Variants in ARHGEF7 observed in about 807,000 individuals in gnomAD.
The protein encoded by ARHGEF7 is Rho guanine nucleotide exchange factor 7.
Under a neutral mutation model 109.8 loss-of-function variants are expected in ARHGEF7, and 33 were observed. That is an observed-to-expected ratio of 0.30 (90% CI 0.23 to 0.40). ARHGEF7 has a LOEUF of 0.40. Among genes scored for constraint, ARHGEF7 ranks in the 10% least tolerant of loss-of-function variants. ARHGEF7 has a pLI of 1.00. For missense variants in ARHGEF7, 938 were observed against 1,098.5 expected (o/e 0.85, Z 2.07); for synonymous variants, 458 against 424.6 (o/e 1.08, Z -0.97).
chr13:111,256,228 C>T (rs1476989026), intron 8 of ARHGEF7, among the ~76,000 whole-genome samples: 1 of 152,050 alleles, frequency 6.6e-6, no homozygotes, highest in East Asian at 1.9e-4. Flanking sequence ...ACTTGGAAGG[C>T]GATGGAGAAA....
At chr13:111,202,771 C>T (rs764753198) in intron 2 of ARHGEF7, among the ~76,000 whole-genome samples, 6 of 152,186 alleles carry the variant, frequency 3.9e-5, no homozygotes, top group Non-Finnish European at 4.4e-5. Context: ...TTTTCTGTTT[C>T]TGTTTTTTGT....
At chr13:111,163,341 T>C (rs113605212) in intron 2 of ARHGEF7, among the ~76,000 whole-genome samples, 1 of 152,180 alleles carries the variant, frequency 6.6e-6, no homozygotes, top group Non-Finnish European at 1.5e-5. Context: ...TGTACTGTCT[T>C]GCTGGGTGAA....
At chr13:111,123,692 G>A (rs2067346270) in intron 1 of ARHGEF7, among the ~76,000 whole-genome samples, 2 of 152,020 alleles carry the variant, frequency 1.3e-5, no homozygotes, top group Admixed American at 6.5e-5. Context: ...AATATCTATT[G>A]AGTGCATACT....
intron 17 of ARHGEF7, 130 bp from the exon 18 acceptor site, chr13:111,288,224 A>C: frequency 2.1e-6 from 1 of 469,828 alleles, no homozygotes. Flanking sequence ...CAGTTATCTG[A>C]CAAGAAAATC....
chr13:111,127,104 T>G (rs895813582), intron 1 of ARHGEF7, among the ~76,000 whole-genome samples: 10 of 152,302 alleles, frequency 6.6e-5, no homozygotes, highest in African/African-American at 2.4e-4. Flanking sequence ...CTTACAGATA[T>G]CGAAAGATAA....
At chr13:111,199,977 G>A (rs1256844203) in intron 2 of ARHGEF7, among the ~76,000 whole-genome samples, 1 of 152,130 alleles carries the variant, frequency 6.6e-6, no homozygotes, top group African/African-American at 2.4e-5. Context: ...CCTCCATTGG[G>A]AGCACATACA....
intron 1 of ARHGEF7, among the ~76,000 whole-genome samples, chr13:111,146,170 G>A (rs573508565): frequency 2.7e-4 from 41 of 152,186 alleles, no homozygotes; most frequent in Non-Finnish European, 5.1e-4. Context: ...AAGACCTGGG[G>A]TGACCTTCAT....
chr13:111,153,577 C>CG lies in ARHGEF7; in HGVS notation c.166-323dup. The CG allele has an allele frequency of 5.6e-6, 6 of 1,070,322 alleles. No individual in the cohort carries two copies. The South Asian group carries it at 1.1e-4, about 20-fold the overall frequency. 66.3% of individuals were successfully genotyped at this position (1,070,322 alleles called of 1,614,324 possible). A position where few individuals can be genotyped will look rare whatever the true frequency, so the allele number is the denominator to read the frequency against. ...GGCAAAGCAGGGTGGGCTGCGTCCG[C>CG]GGGGGCGAACACCCGACGCTATCCG... is the stretch of plus-strand genomic sequence containing the variant. On this transcript the variant is annotated intron_variant, in intron 1 of 21. Transcript: ENST00000646102.
intron 1 of ARHGEF7, among the ~76,000 whole-genome samples, chr13:111,134,715 T>G (rs990269025): frequency 1.3e-5 from 2 of 152,190 alleles, no homozygotes; most frequent in African/African-American, 4.8e-5. Flanking sequence ...ATGAGTAGAT[T>G]GCAAAAATTT....
chr13:111,219,849 C>T (rs1420205415), intron 5 of ARHGEF7, among the ~76,000 whole-genome samples: 2 of 152,014 alleles, frequency 1.3e-5, no homozygotes, highest in Non-Finnish European at 2.9e-5. Flanking sequence ...CCTCATAACC[C>T]TTGAAGACAA....
chr13:111,230,379 C>T (rs908326966), intron 5 of ARHGEF7, among the ~76,000 whole-genome samples: 5 of 152,198 alleles, frequency 3.3e-5, no homozygotes, highest in Non-Finnish European at 5.9e-5. Context: ...CTGTCTGTTA[C>T]GAATGGCCGT....
At chr13:111,292,837 C>A in intron 19 of ARHGEF7, 1 of 992,190 alleles carries the variant, frequency 1.0e-6, no homozygotes. Flanking sequence ...GAGCCCAGTT[C>A]CAACGGCTGT....
chr13:111,287,046 C>A (rs1236692239), intron 17 of ARHGEF7, among the ~76,000 whole-genome samples: 1 of 152,228 alleles, frequency 6.6e-6, no homozygotes, highest in East Asian at 1.9e-4. Flanking sequence ...AGCCGTCCCA[C>A]ACGCTCACTG....
At chr13:111,203,528 A>G (rs559178420) in intron 2 of ARHGEF7, among the ~76,000 whole-genome samples, 2 of 152,348 alleles carry the variant, frequency 1.3e-5, no homozygotes, top group Non-Finnish European at 2.9e-5. Flanking sequence ...TTTTGTTAGA[A>G]ATGGCATCGG....
At chr13:111,271,704 T>G (rs1364061539) in intron 9 of ARHGEF7, among the ~76,000 whole-genome samples, 1 of 152,222 alleles carries the variant, frequency 6.6e-6, no homozygotes, top group African/African-American at 2.4e-5. Context: ...ACAGTCTCTG[T>G]GCTACTAATT....
Position 111,145,430 on chromosome 13 carries a change from C to T in ARHGEF7, c.166-8475C>T, listed in dbSNP as rs779957134. Among the ~76,000 whole-genome samples the T allele has an allele frequency of 3.3e-5, 5 of 152,174 alleles. No individual in the cohort carries two copies. The East Asian group carries it at 7.7e-4, about 24-fold the overall frequency. On this transcript the variant is annotated intron_variant, in intron 1 of 21. Coordinates refer to ENST00000646102, the MANE Select transcript of ARHGEF7 (RefSeq NM_001354046.2). This position sits in a 1 kb window ranked among gnomAD's most constrained non-coding sequence, Gnocchi z 4.3. ...TCATTAACTCTCCCTGACCCCGAAG[C>T]GAAAGGTCAAGGGAAGGAGGGTTTC...
rs866528042 is a variant in ARHGEF7 at position 111,273,154 on chromosome 13, G to A, written c.1074-660G>A. ...GATTGAATGTAACAATGCTTTTGAA[G>A]TTCTAAAGCGTAAATCAACATTCGC... On this transcript the variant is annotated intron_variant, in intron 9 of 21. Transcript: ENST00000646102. The surrounding 1 kb of genome is among the most constrained non-coding windows in gnomAD (Gnocchi z 4.5). Among the ~76,000 whole-genome samples the A allele has an allele frequency of 6.9e-4, 105 of 152,326 alleles. No homozygotes were observed. The highest frequency in any genetic ancestry group is 2.2e-3 in the African/African-American group (93 of 41,564).
rs2076043650 is a variant in ARHGEF7, at chr13:111,153,678, G to T, written c.166-227G>T. 5 of 1,249,210 alleles carry T rather than the reference G, an allele frequency of 4.0e-6. 1 individual carries two copies. In the South Asian group the frequency reaches 1.0e-4, roughly 26 times the overall value. The allele number at this position is 1,249,210 out of a possible 1,614,324, so 77.4% of individuals were successfully genotyped here. A position where few individuals can be genotyped will look rare whatever the true frequency, so the allele number is the denominator to read the frequency against. On this transcript the variant is annotated intron_variant, in intron 1 of 21. Coordinates refer to ENST00000646102, the MANE Select transcript of ARHGEF7 (RefSeq NM_001354046.2). The stretch of plus-strand genomic sequence containing the variant: ...GGCGCCGGGGCTCACTTCCTGGTGC[G>T]GGAAGGGGCAGAGATTGGTGCAGCC...
At chr13:111,130,189 G>A (rs982887242) in intron 1 of ARHGEF7, among the ~76,000 whole-genome samples, 1 of 152,204 alleles carries the variant, frequency 6.6e-6, no homozygotes, top group Non-Finnish European at 1.5e-5. Context: ...GGGGACAATA[G>A]CTGGGGTAGG....
Sources: allele counts gnomAD v4.1 joint callset (sites outside exome capture counted in the v4.1 genomes callset), GRCh38; gene constraint gnomAD v4.1.1; non-coding constraint Gnocchi (gnomAD v3.1); transcripts MANE v1.5; gene names NCBI Gene and HGNC (gene_info 2026-07-23, HGNC 2026-07-21).